The following ZFYVE28 variants were observed in gnomAD, a reference collection of about 807,000 sequenced individuals.
The protein encoded by ZFYVE28 is zinc finger FYVE-type containing 28, also known as lateral signaling target protein 2 homolog.
Under a neutral mutation model 82.1 loss-of-function variants are expected in ZFYVE28, and 40 were observed. The observed-to-expected ratio is 0.49, with a 90% CI of 0.38 to 0.63. The LOEUF is 0.63. Ranked by LOEUF, ZFYVE28 falls within the 30% of genes least tolerant of loss-of-function variation. ZFYVE28 has a pLI of 0.00. For missense variants in ZFYVE28, 1,321 were observed against 1,242.1 expected, an observed-to-expected ratio of 1.06 and a Z score of -0.96; for synonymous variants, 612 against 546.1, an observed-to-expected ratio of 1.12 and a Z score of -1.68.
At chr4:2,413,421 C>T (rs957652676) in intron 1 of ZFYVE28, among the ~76,000 whole-genome samples, 1 of 152,356 alleles carries the variant, frequency 6.6e-6, no homozygotes, top group Non-Finnish European at 1.5e-5. Flanking sequence ...CTTCTGAATT[C>T]AGAGAACCAC....
Position 2,274,163 on chromosome 4 carries a change from G to A in ZFYVE28, c.2105C>T (p.Pro702Leu). The change falls in exon 9 of 13, where the codon CCA becomes CTA. Residue 702 changes from proline to leucine, a missense_variant. By Grantham distance (98) the Pro-to-Leu change is moderately conservative. Coordinates refer to ENST00000290974, the MANE Select transcript of ZFYVE28 (RefSeq NM_020972.3). ...SSDKMGPEAAPAATHAAPQAT... is the reference protein window; with the variant it reads ...SSDKMGPEAALAATHAAPQAT... ...CTGTGGGGCAGCATGCGTGGCTGCT[G>A]GGGCCGCCTCTGGCCCCATCTTGTC... The A allele has an allele frequency of 1.2e-6, 2 of 1,613,810 alleles. No homozygotes were observed. Among genetic ancestry groups the A allele is most frequent in the Non-Finnish European group, 1.7e-6 (2 of 1,179,996 alleles).
intron 2 of ZFYVE28, among the ~76,000 whole-genome samples, chr4:2,346,080 G>C (rs1438628050): frequency 1.3e-5 from 2 of 151,234 alleles, no homozygotes; most frequent in East Asian, 3.9e-4. Flanking sequence ...TGTAATCCCA[G>C]CACTTTGGGA....
intron 7 of ZFYVE28, among the ~76,000 whole-genome samples, chr4:2,307,359 T>C (rs757358980): frequency 2.6e-5 from 4 of 152,232 alleles, no homozygotes; most frequent in Non-Finnish European, 4.4e-5. Context: ...ATGGTGCTTT[T>C]GAGGAAGTTT....
At chr4:2,330,311 C>T (rs953737126) in intron 6 of ZFYVE28, 30 of 989,174 alleles carry the variant, frequency 3.0e-5, no homozygotes, top group African/African-American at 2.4e-4. Context: ...GAGTAAGTCA[C>T]GCAACCTGCT....
At chr4:2,407,480 T>C (rs1336673443) in intron 1 of ZFYVE28, among the ~76,000 whole-genome samples, 1 of 151,980 alleles carries the variant, frequency 6.6e-6, no homozygotes, top group East Asian at 1.9e-4. Context: ...ATCTGGGGTG[T>C]GGGCTTATGA....
rs532584518 is a variant in ZFYVE28, at chr4:2,335,351, G to A, written c.701+354C>T. ...CAAGTCTGCCTCCCACAGCCCCTGC[G>A]TGGCCACTCTGTTCCGAGCATGACC... On this transcript the variant is annotated intron_variant, in intron 6 of 12. Coordinates refer to ENST00000290974, the MANE Select transcript of ZFYVE28 (RefSeq NM_020972.3). The surrounding 1 kb of genome is among the most constrained non-coding windows in gnomAD (Gnocchi z 5.8). Among the ~76,000 whole-genome samples, 9 of 152,228 alleles carry A rather than the reference G, an allele frequency of 5.9e-5. No individual in the cohort carries two copies. Among genetic ancestry groups the A allele is most frequent in the South Asian group, 2.1e-4 (1 of 4,822 alleles).
At chr4:2,304,245 T>C in intron 8 of ZFYVE28, 44 bp downstream of exon 8, 2 of 1,514,094 alleles carry the variant, frequency 1.3e-6, no homozygotes, top group Non-Finnish European at 8.8e-7. Flanking sequence ...TGCCCCCCAG[T>C]GCAGAGAGGA....
intron 6 of ZFYVE28, among the ~76,000 whole-genome samples, chr4:2,326,690 C>G (rs1166884126): frequency 1.3e-5 from 2 of 152,120 alleles, no homozygotes; most frequent in Non-Finnish European, 2.9e-5. Flanking sequence ...ATATCTTTGT[C>G]TTCTTGAATT....
intron 8 of ZFYVE28, among the ~76,000 whole-genome samples, chr4:2,291,021 C>T (rs993913481): frequency 2.6e-5 from 4 of 152,206 alleles, no homozygotes; most frequent in Admixed American, 6.5e-5. Context: ...TGCAGATTAG[C>T]GAAGAGTGCC....
At chr4:2,288,331 A>C (rs1713074066) in intron 8 of ZFYVE28, among the ~76,000 whole-genome samples, 1 of 152,060 alleles carries the variant, frequency 6.6e-6, no homozygotes, top group African/African-American at 2.4e-5. Context: ...CTAGAACGGA[A>C]CCTCATCTCT....
Position 2,339,400 on chromosome 4 carries a change from A to C in ZFYVE28, c.521+53T>G. The C allele has an allele frequency of 1.5e-5, 23 of 1,570,572 alleles. No individual in the cohort carries two copies. The highest frequency in any genetic ancestry group is 2.3e-5 in the South Asian group (2 of 86,250). On this transcript the variant is annotated intron_variant, in intron 4 of 12. Transcript: ENST00000290974. This position sits in a 1 kb window ranked among gnomAD's most constrained non-coding sequence, Gnocchi z 5.0. ...ATCAGGGTGAGCCCCGGAAGCTGGC[A>C]CAACCGTCCCCCAGCTCATACAGCC...
intron 8 of ZFYVE28, among the ~76,000 whole-genome samples, chr4:2,291,177 A>G (rs1256715106): frequency 6.6e-6 from 1 of 152,176 alleles, no homozygotes; most frequent in East Asian, 1.9e-4. Flanking sequence ...AGGTGGGTGA[A>G]GTCAGCTGAG....
At chr4:2,279,276 A>T (rs191969096) in intron 8 of ZFYVE28, among the ~76,000 whole-genome samples, 1 of 152,146 alleles carries the variant, frequency 6.6e-6, no homozygotes. Flanking sequence ...TACTGAAAAT[A>T]CAAAAATTAG....
At chr4:2,364,921 G>T (rs918903697) in intron 1 of ZFYVE28, 1 of 985,104 alleles carries the variant, frequency 1.0e-6, no homozygotes. Flanking sequence ...CAGTGGAGGC[G>T]GGGGCGGGGC....
At chr4:2,386,093 C>A (rs1729229431) in intron 1 of ZFYVE28, among the ~76,000 whole-genome samples, 1 of 152,218 alleles carries the variant, frequency 6.6e-6, no homozygotes, top group African/African-American at 2.4e-5. Flanking sequence ...TGTTCACTCC[C>A]ACGGCTGCAG....
At chr4:2,410,094 CT>C (rs1480520316) in intron 1 of ZFYVE28, among the ~76,000 whole-genome samples, 1 of 152,174 alleles carries the variant, frequency 6.6e-6, no homozygotes, top group East Asian at 1.9e-4. Flanking sequence ...GGTACAATTC[CT>C]TTTTTTAAAT....
intron 6 of ZFYVE28, among the ~76,000 whole-genome samples, chr4:2,329,738 A>C (rs1358614736): frequency 6.6e-6 from 1 of 152,248 alleles, no homozygotes; most frequent in Non-Finnish European, 1.5e-5. Flanking sequence ...TTTTGTGCTT[A>C]ATACACTGGG....
At chr4:2,277,253 G>A (rs1214511491) in intron 8 of ZFYVE28, among the ~76,000 whole-genome samples, 1 of 152,228 alleles carries the variant, frequency 6.6e-6, no homozygotes, top group Non-Finnish European at 1.5e-5. Context: ...GCCGAGGCAG[G>A]CGGACTGCCT....
Position 2,339,398 on chromosome 4 carries a change from G to A in ZFYVE28, c.521+55C>T, listed in dbSNP as rs979803929. The A allele has an allele frequency of 1.6e-5, 25 of 1,570,318 alleles. No homozygotes were observed. In the South Asian group the frequency reaches 2.2e-4, roughly 14 times the overall value. ...GTATCAGGGTGAGCCCCGGAAGCTG[G>A]CACAACCGTCCCCCAGCTCATACAG... On this transcript the variant is annotated intron_variant, in intron 4 of 12. Coordinates refer to ENST00000290974, the MANE Select transcript of ZFYVE28 (RefSeq NM_020972.3). This position sits in a 1 kb window ranked among gnomAD's most constrained non-coding sequence, Gnocchi z 5.0.
Sources: allele counts gnomAD v4.1 joint callset (sites outside exome capture counted in the v4.1 genomes callset), GRCh38; gene constraint gnomAD v4.1.1; non-coding constraint Gnocchi (gnomAD v3.1); transcripts MANE v1.5; gene names NCBI Gene and HGNC (gene_info 2026-07-23, HGNC 2026-07-21).